AMDHD1: variants seen among roughly 807,000 people sequenced by gnomAD.
AMDHD1 encodes the protein amidohydrolase domain containing 1.
Under a neutral mutation model 44.1 loss-of-function variants are expected in AMDHD1, and 45 were observed. The ratio of observed to expected loss-of-function variants is 1.02; its 90% CI spans 0.80 to 1.31. AMDHD1 has a LOEUF of 1.31. Among genes scored for constraint, AMDHD1 ranks in the 50% most tolerant of loss-of-function variants. The pLI is 0.00. For synonymous variants in AMDHD1, 206 were observed against 205.0 expected (o/e 1.00, Z -0.04); for missense variants, 586 against 552.1 (o/e 1.06, Z -0.61).
chr12:95,964,928 CAAAAAA>C lies in AMDHD1; in HGVS notation c.939-740_939-735del, dbSNP rs60076877. Among the ~76,000 whole-genome samples the C allele has an allele frequency of 5.3e-4, 19 of 35,832 alleles. 1 individual carries two copies. Among genetic ancestry groups the C allele is most frequent in the African/African-American group, 9.5e-4 (7 of 7,360 alleles). 23.5% of individuals were successfully genotyped at this position (35,832 alleles called of 152,430 possible). A position where few individuals can be genotyped will look rare whatever the true frequency, so the allele number is the denominator to read the frequency against. Reference sequence around the variant, plus strand: ...AAAGGACCTACAGAGATGTTTGAGGCAAAAAAAAAAAAAAAAAAAAAAAGAGGGCAA... The same window carrying C: ...AAAGGACCTACAGAGATGTTTGAGGCAAAAAAAAAAAAAAAAAGAGGGCAA... On this transcript the variant is annotated intron_variant, in intron 6 of 8. Coordinates refer to ENST00000266736, the MANE Select transcript of AMDHD1 (RefSeq NM_152435.3).
chr12:95,960,556 G>C lies in AMDHD1; in HGVS notation c.746G>C (p.Arg249Pro), dbSNP rs376012943. 1 of 1,614,182 alleles carries C rather than the reference G, an allele frequency of 6.2e-7. No individual in the cohort carries two copies. The highest frequency in any genetic ancestry group is 1.7e-5 in the Admixed American group (1 of 60,028). The change falls in exon 5 of 9, where the codon CGT (arginine) becomes CCT (proline). Residue 249 changes from arginine (R) to proline (P), a missense_variant. By Grantham distance (103) the Arg-to-Pro change is moderately radical. Coordinates refer to ENST00000266736, the MANE Select transcript of AMDHD1 (RefSeq NM_152435.3). The stretch of plus-strand genomic sequence containing the variant: ...GATTCCACCAGAAGGATTCTTCAAC[G>C]TGGAAAAGATATAGGGTTACAGATT... ...DLDSTRRILQ[R>P]GKDIGLQINF...
At chr12:95,961,608 C>T (rs1315973023) in intron 5 of AMDHD1, among the ~76,000 whole-genome samples, 4 of 152,196 alleles carry the variant, frequency 2.6e-5, no homozygotes, top group African/African-American at 9.7e-5. Context: ...TCTTCCAAGT[C>T]TTGTCCCATT....
At position 95,943,469 on chromosome 12, in the gene AMDHD1, G is replaced by T; in HGVS notation, c.71G>T (p.Arg24Leu). The change falls in exon 1 of 9, where the codon CGC (arginine) becomes CTC (leucine). Residue 24 changes from arginine to leucine, a missense_variant. Transcript: ENST00000266736. ...QVVLVCARGE[R>L]FLARDALRSL... ...GTGCTGGTGTGCGCCCGCGGCGAGCGCTTCCTGGCGCGGGATGCGCTGCGC... is the reference window on the plus strand; with the variant it reads ...GTGCTGGTGTGCGCCCGCGGCGAGCTCTTCCTGGCGCGGGATGCGCTGCGC... The T allele has an allele frequency of 6.6e-7, 1 of 1,504,118 alleles. No individual in the cohort carries two copies. Among genetic ancestry groups the T allele is most frequent in the South Asian group, 1.2e-5 (1 of 81,312 alleles). The allele number at this position is 1,504,118 out of a possible 1,614,324, so 93.2% of individuals were successfully genotyped here.
chr12:95,962,459 C>A lies in AMDHD1; in HGVS notation c.918C>A (p.Pro306=). 6.2e-7 allele frequency: 1 copy of A among 1,612,610 alleles called. No individual in the cohort carries two copies. The highest frequency in any genetic ancestry group is 8.5e-7 in the Non-Finnish European group (1 of 1,179,546). ...ATARCSAILL[P]TTAYMLRLKQ... Reference sequence around the variant, plus strand: ...CCAGGTGCTCTGCCATCCTTCTGCCCACCACAGCCTACATGCTGAGGTAAG... The same window carrying A: ...CCAGGTGCTCTGCCATCCTTCTGCCAACCACAGCCTACATGCTGAGGTAAG... Residue 306 remains proline (P), a synonymous_variant, in exon 6 of 9, where the codon CCC becomes CCA. Coordinates refer to ENST00000266736, the MANE Select transcript of AMDHD1 (RefSeq NM_152435.3).
At chr12:95,961,007 G>C (rs1443154742) in intron 5 of AMDHD1, among the ~76,000 whole-genome samples, 1 of 151,818 alleles carries the variant, frequency 6.6e-6, no homozygotes, top group Non-Finnish European at 1.5e-5. Context: ...AAAAATTAGC[G>C]TGGTGGCACG....
At chr12:95,954,557 G>A (rs1011107670) in intron 2 of AMDHD1, among the ~76,000 whole-genome samples, 4 of 127,138 alleles carry the variant, frequency 3.1e-5, no homozygotes, top group Non-Finnish European at 4.9e-5. Context: ...GACAGAGTGA[G>A]AACCTTTCTC....
intron 1 of AMDHD1, 39 bp downstream of exon 1, chr12:95,943,574 C>T (rs1244967987): frequency 2.1e-6 from 3 of 1,404,482 alleles, no homozygotes; most frequent in South Asian, 3.1e-5. Context: ...CCGCCACGGG[C>T]GGAGCTGGCC....
chr12:95,956,843 G>A lies in AMDHD1; in HGVS notation c.468G>A (p.Lys156=). The A allele has an allele frequency of 6.2e-7, 1 of 1,614,136 alleles. No homozygotes were observed. The highest frequency in any genetic ancestry group is 8.5e-7 in the Non-Finnish European group (1 of 1,179,982). Residue 156 remains lysine, a synonymous_variant, in exon 4 of 9, where the codon AAG becomes AAA. Transcript: ENST00000266736. ...MRAGTTLVEC[K]SGYGLDLETE... ...CTGGCACCACGCTGGTGGAGTGCAA[G>A]AGTGGATATGGCCTCGACCTGGAGA...
At chr12:95,952,600 G>A (rs2136762199) in intron 1 of AMDHD1, 117 bp from the exon 2 acceptor site, 1 of 661,016 alleles carries the variant, frequency 1.5e-6, no homozygotes, top group Non-Finnish European at 2.6e-6. Context: ...CAAGATAGAA[G>A]CACAGTAAAT....
At chr12:95,959,790 CTTTT>C (rs63130861) in intron 4 of AMDHD1, among the ~76,000 whole-genome samples, 2 of 67,360 alleles carry the variant, frequency 3.0e-5, no homozygotes, top group African/African-American at 1.2e-4. Context: ...GAAGATTATG[CTTTT>C]TTTTTTTTTT....
chr12:95,958,893 T>C (rs1301346342), intron 4 of AMDHD1, among the ~76,000 whole-genome samples: 1 of 152,030 alleles, frequency 6.6e-6, no homozygotes, highest in East Asian at 1.9e-4. Context: ...CTGTCTCTAC[T>C]AAAAATACAA....
At chr12:95,949,719 G>A (rs896323139) in intron 1 of AMDHD1, among the ~76,000 whole-genome samples, 9 of 152,126 alleles carry the variant, frequency 5.9e-5, no homozygotes, top group African/African-American at 2.2e-4. Flanking sequence ...TTGTATTCGG[G>A]TTTTTTCACT....
intron 1 of AMDHD1, 62 bp from the exon 2 acceptor site, chr12:95,952,655 A>T: frequency 9.8e-7 from 1 of 1,015,344 alleles, no homozygotes; most frequent in Non-Finnish European, 1.5e-6. Flanking sequence ...ATTTTAAGTC[A>T]CTCATCAGAT....
chr12:95,952,925 T>A, intron 2 of AMDHD1, 102 bp downstream of exon 2: 1 of 670,304 alleles, frequency 1.5e-6, no homozygotes, highest in Non-Finnish European at 2.5e-6. Context: ...CTCAAAATAA[T>A]ATTTAAAAAA....
chr12:95,963,455 C>T (rs571252905), intron 6 of AMDHD1, among the ~76,000 whole-genome samples: 3 of 152,260 alleles, frequency 2.0e-5, no homozygotes, highest in South Asian at 2.1e-4. Flanking sequence ...AGACCAGGCT[C>T]CAAGTAACTT....
intron 4 of AMDHD1, among the ~76,000 whole-genome samples, chr12:95,958,121 ATATGTATACCTTGT>A (rs2080562114): frequency 6.6e-6 from 1 of 152,106 alleles, no homozygotes; most frequent in Non-Finnish European, 1.5e-5. Flanking sequence ...TTGTTTTAAA[ATATGTATACCTTGT>A]GAAATGGCTA....
intron 2 of AMDHD1, among the ~76,000 whole-genome samples, chr12:95,954,440 T>C (rs1248633324): frequency 6.6e-6 from 1 of 151,920 alleles, no homozygotes; most frequent in African/African-American, 2.4e-5. Flanking sequence ...TGGTGGTGCA[T>C]GACTATAGTC....
chr12:95,966,595 T>TGGAAAA, intron 8 of AMDHD1, 87 bp downstream of exon 8: 2 of 1,484,744 alleles, frequency 1.3e-6, no homozygotes, highest in Non-Finnish European at 1.8e-6. Context: ...TAATTATTAG[T>TGGAAAA]GTCAGACTCT....
chr12:95,949,422 G>A (rs1384597458), intron 1 of AMDHD1, among the ~76,000 whole-genome samples: 1 of 152,020 alleles, frequency 6.6e-6, no homozygotes, highest in East Asian at 1.9e-4. Flanking sequence ...TTGCTAATTT[G>A]CTTTACTTTC....
Sources: gnomAD v4.1 joint callset for allele counts (sites outside exome capture counted in the v4.1 genomes callset) on GRCh38, gnomAD v4.1.1 for gene constraint, MANE v1.5 for transcripts, NCBI Gene and HGNC (gene_info 2026-07-23, HGNC 2026-07-21) for gene names.